Variants in ADAMTSL3 observed in about 807,000 individuals in gnomAD.
ADAMTSL3 encodes the protein ADAMTS like 3.
A neutral mutation model predicts 201.7 loss-of-function variants in ADAMTSL3; 128 were observed. That is an observed-to-expected ratio of 0.63 (90% CI 0.55 to 0.73). The LOEUF (loss-of-function observed/expected upper bound fraction) is 0.73, where lower values mean the gene tolerates loss of function less well. Among genes scored for constraint, ADAMTSL3 ranks in the 30% least tolerant of loss-of-function variants. The pLI is 0.00. For synonymous variants in ADAMTSL3, 738 were observed against 748.4 expected, an observed-to-expected ratio of 0.99 and a Z score of 0.23; for missense variants, 1,990 against 2,119.6, an observed-to-expected ratio of 0.94 and a Z score of 1.20.
chr15:83,706,908 A>C (rs1323329334), intron 3 of ADAMTSL3, among the ~76,000 whole-genome samples: 1 of 152,082 alleles, frequency 6.6e-6, no homozygotes, highest in East Asian at 1.9e-4. Context: ...GGCTCAAGCG[A>C]TCTGCTCTCC....
intron 3 of ADAMTSL3, among the ~76,000 whole-genome samples, chr15:83,756,269 A>T (rs1406212523): frequency 6.6e-6 from 1 of 152,182 alleles, no homozygotes; most frequent in East Asian, 1.9e-4. Flanking sequence ...ACATACCCAA[A>T]ACTGGGTAAT....
At chr15:83,979,423 C>T (rs189677256) in intron 20 of ADAMTSL3, among the ~76,000 whole-genome samples, 1 of 152,172 alleles carries the variant, frequency 6.6e-6, no homozygotes, top group African/African-American at 2.4e-5. Context: ...GTAGGCATAC[C>T]TTGCCTTGTT....
intron 17 of ADAMTSL3, among the ~76,000 whole-genome samples, chr15:83,925,698 A>G (rs1392213360): frequency 6.6e-6 from 1 of 152,236 alleles, no homozygotes; most frequent in African/African-American, 2.4e-5. Context: ...TGACCCTTCT[A>G]TCTTTAGAGA....
chr15:83,788,032 A>G (rs2063291707), intron 4 of ADAMTSL3, among the ~76,000 whole-genome samples: 1 of 152,138 alleles, frequency 6.6e-6, no homozygotes, highest in African/African-American at 2.4e-5. Flanking sequence ...TACTATTCAC[A>G]GCTATGTCAT....
rs1219142678 is a variant in ADAMTSL3, at chr15:83,813,000, C to T, written c.364-6811C>T. Reference sequence around the variant, plus strand: ...GAGTGCACACCTAACCACTCTACTACACTGTACAAGAGTATGGAAAGGCTG... The same window carrying T: ...GAGTGCACACCTAACCACTCTACTATACTGTACAAGAGTATGGAAAGGCTG... On this transcript the variant is annotated intron_variant, in intron 5 of 29. Transcript: ENST00000286744. Among the ~76,000 whole-genome samples the T allele has an allele frequency of 2.0e-5, 3 of 152,194 alleles. No individual in the cohort carries two copies. In the East Asian group the frequency reaches 5.8e-4, roughly 29 times the overall value.
intron 3 of ADAMTSL3, among the ~76,000 whole-genome samples, chr15:83,754,761 A>G (rs1328184258): frequency 1.3e-5 from 2 of 152,238 alleles, no homozygotes; most frequent in Non-Finnish European, 2.9e-5. Context: ...ATAGATGATA[A>G]GGAAATGAAA....
rs949056072 is a variant in ADAMTSL3, at chr15:84,027,582, T to C, written c.4656+2146T>C. Among the ~76,000 whole-genome samples, 10 of 151,896 alleles carry C rather than the reference T, an allele frequency of 6.6e-5. 1 individual carries two copies. In the South Asian group the frequency reaches 1.9e-3, roughly 29 times the overall value. ...AAAATTAGCTGGGCGTGGTGGCGGG[T>C]GCCTGTAGTCCCGGCTACTTGGGAG... On this transcript the variant is annotated intron_variant, in intron 27 of 29. Coordinates refer to ENST00000286744, the MANE Select transcript of ADAMTSL3 (RefSeq NM_207517.3).
At chr15:83,841,795 G>A (rs996839735) in intron 7 of ADAMTSL3, among the ~76,000 whole-genome samples, 6 of 151,748 alleles carry the variant, frequency 4.0e-5, no homozygotes, top group East Asian at 2.0e-4. Context: ...ATTTTCCAAG[G>A]CCACTCTGGC....
intron 8 of ADAMTSL3, among the ~76,000 whole-genome samples, chr15:83,866,122 A>G (rs1267165822): frequency 2.0e-5 from 3 of 152,216 alleles, no homozygotes; most frequent in African/African-American, 7.2e-5. Flanking sequence ...GGTGCTGGAG[A>G]GCATGTGGAG....
chr15:83,744,515 C>T (rs1218261309), intron 3 of ADAMTSL3, among the ~76,000 whole-genome samples: 1 of 152,122 alleles, frequency 6.6e-6, no homozygotes, highest in African/African-American at 2.4e-5. Flanking sequence ...TGATGTACAA[C>T]ATGATGTTTT....
intron 7 of ADAMTSL3, among the ~76,000 whole-genome samples, chr15:83,850,753 A>G (rs1426902964): frequency 6.6e-6 from 1 of 152,188 alleles, no homozygotes; most frequent in African/African-American, 2.4e-5. Flanking sequence ...TTAAGCCCTC[A>G]TCTGCAGAGC....
intron 13 of ADAMTSL3, among the ~76,000 whole-genome samples, chr15:83,897,389 C>T (rs1340367267): frequency 3.3e-5 from 5 of 152,096 alleles, no homozygotes; most frequent in Non-Finnish European, 4.4e-5. Context: ...TATATGGTAG[C>T]AGTTTTGCAA....
At chr15:83,791,974 A>G (rs2063352460) in intron 4 of ADAMTSL3, among the ~76,000 whole-genome samples, 1 of 152,192 alleles carries the variant, frequency 6.6e-6, no homozygotes, top group African/African-American at 2.4e-5. Flanking sequence ...CTGGGAAATG[A>G]TTATTTTACA....
rs986380719 is a variant in ADAMTSL3, at chr15:83,789,254, A to G, written c.318-15396A>G. ...TTTACTAAGTATTTTATCTCTTTCTATACATATATTTTTTCCTGAGTTATT... is the reference window on the plus strand; with the variant it reads ...TTTACTAAGTATTTTATCTCTTTCTGTACATATATTTTTTCCTGAGTTATT... On this transcript the variant is annotated intron_variant, in intron 4 of 29. Transcript: ENST00000286744. Among the ~76,000 whole-genome samples, 8 of 151,984 alleles carry G rather than the reference A, an allele frequency of 5.3e-5. No homozygotes were observed. In the South Asian group the frequency reaches 1.5e-3, roughly 28 times the overall value.
At chr15:84,023,871 A>C (rs566141912) in intron 26 of ADAMTSL3, among the ~76,000 whole-genome samples, 35 of 152,380 alleles carry the variant, frequency 2.3e-4, no homozygotes, top group African/African-American at 7.0e-4. Flanking sequence ...ATACCGTCTC[A>C]GAACCAGGTT....
At chr15:83,718,151 G>A (rs1041267940) in intron 3 of ADAMTSL3, among the ~76,000 whole-genome samples, 1 of 152,016 alleles carries the variant, frequency 6.6e-6, no homozygotes, top group Non-Finnish European at 1.5e-5. Flanking sequence ...CACTGAAAAG[G>A]CATAATAACA....
intron 17 of ADAMTSL3, among the ~76,000 whole-genome samples, chr15:83,929,763 GAGAC>G (rs780078151): frequency 1.1e-4 from 17 of 150,642 alleles, no homozygotes; most frequent in Admixed American, 5.3e-4. Context: ...GAGACAGAGA[GAGAC>G]AGAGAGACAG....
chr15:83,831,489 G>A (rs894716968), intron 6 of ADAMTSL3, among the ~76,000 whole-genome samples: 1 of 152,176 alleles, frequency 6.6e-6, no homozygotes, highest in African/African-American at 2.4e-5. Context: ...TGGAGCAGAT[G>A]CAGTTTTTAG....
intron 3 of ADAMTSL3, among the ~76,000 whole-genome samples, chr15:83,749,887 A>G (rs575204477): frequency 6.6e-6 from 1 of 151,518 alleles, no homozygotes; most frequent in African/African-American, 2.4e-5. Flanking sequence ...TTGGACCTCA[A>G]TTTTGCCATC....
Sources: gnomAD v4.1 joint callset for allele counts (sites outside exome capture counted in the v4.1 genomes callset) on GRCh38, gnomAD v4.1.1 for gene constraint, MANE v1.5 for transcripts, NCBI Gene and HGNC (gene_info 2026-07-23, HGNC 2026-07-21) for gene names.